NRXN1: variants seen among roughly 807,000 people sequenced by gnomAD.
The protein encoded by NRXN1 is neurexin-1.
NRXN1 carries 39 observed loss-of-function variants against 150.9 expected under a neutral mutation model. The observed-to-expected ratio is 0.26, with a 90% confidence interval of 0.20 to 0.34. The LOEUF is 0.34. NRXN1 is among the 10% of genes least tolerant of loss of function. The pLI, the probability that NRXN1 is intolerant of heterozygous loss-of-function variation, is 1.00. For synonymous variants in NRXN1, 924 were observed against 757.0 expected (o/e 1.22, Z -3.62); for missense variants, 1,815 against 1,949.9 (o/e 0.93, Z 1.30).
intron 17 of NRXN1, among the ~76,000 whole-genome samples, chr2:50,350,878 G>T (rs548943725): frequency 6.6e-6 from 1 of 152,140 alleles, no homozygotes. Context: ...AGAAGAAATT[G>T]TAGCTGTAGT....
At chr2:50,366,789 C>A (rs538661206) in intron 17 of NRXN1, among the ~76,000 whole-genome samples, 1 of 152,042 alleles carries the variant, frequency 6.6e-6, no homozygotes, top group Non-Finnish European at 1.5e-5. Flanking sequence ...AAAAATCACA[C>A]ACTAAGGATG....
intron 8 of NRXN1, among the ~76,000 whole-genome samples, chr2:50,584,942 T>C (rs1558973904): frequency 6.6e-6 from 1 of 152,176 alleles, no homozygotes; most frequent in Non-Finnish European, 1.5e-5. Flanking sequence ...GAGTGTGGCA[T>C]ATAGTCACTG....
chr2:50,265,663 G>C (rs1298449538), intron 17 of NRXN1, among the ~76,000 whole-genome samples: 1 of 152,074 alleles, frequency 6.6e-6, no homozygotes, highest in Non-Finnish European at 1.5e-5. Flanking sequence ...CAATTCTTCA[G>C]GTACCAATTT....
At chr2:50,589,918 C>T (rs1044867240) in intron 8 of NRXN1, among the ~76,000 whole-genome samples, 1 of 152,168 alleles carries the variant, frequency 6.6e-6, no homozygotes, top group African/African-American at 2.4e-5. Flanking sequence ...CACATGAAGT[C>T]AGAAACCATT....
intron 19 of NRXN1, among the ~76,000 whole-genome samples, chr2:50,064,433 CT>C (rs70946885): frequency 0.014 from 2,059 of 148,230 alleles, 49 homozygotes; most frequent in African/African-American, 0.048. Flanking sequence ...GTGGGATCTT[CT>C]TTTTTTTTTT....
At chr2:50,358,438 C>T (rs1049475468) in intron 17 of NRXN1, among the ~76,000 whole-genome samples, 2 of 152,178 alleles carry the variant, frequency 1.3e-5, no homozygotes, top group Middle Eastern at 3.2e-3. Context: ...GGTGGTTTTC[C>T]CCTCACAATG....
intron 21 of NRXN1, chr2:49,974,343 T>C (rs772200250): frequency 6.9e-5 from 30 of 437,860 alleles, no homozygotes; most frequent in Non-Finnish European, 1.2e-4. Flanking sequence ...TCAGCAGTCG[T>C]TGCTTTTCAA....
At chr2:50,663,447 G>A (rs1221730687) in intron 5 of NRXN1, among the ~76,000 whole-genome samples, 1 of 151,936 alleles carries the variant, frequency 6.6e-6, no homozygotes, top group Non-Finnish European at 1.5e-5. Context: ...CATGATCTCT[G>A]GTAACAAACT....
At chr2:50,266,546 C>T (rs868356572) in intron 17 of NRXN1, among the ~76,000 whole-genome samples, 1,458 of 103,338 alleles carry the variant, frequency 0.014, 22 homozygotes, top group African/African-American at 0.049. Flanking sequence ...TACACACACA[C>T]ACACACACAC....
chr2:50,728,405 C>A (rs1697663372), intron 5 of NRXN1, among the ~76,000 whole-genome samples: 2 of 152,114 alleles, frequency 1.3e-5, no homozygotes, highest in African/African-American at 4.8e-5. Context: ...TTGAATTGCA[C>A]ACAAAGTATT....
At chr2:50,282,739 T>A (rs1192896405) in intron 17 of NRXN1, among the ~76,000 whole-genome samples, 2 of 152,156 alleles carry the variant, frequency 1.3e-5, no homozygotes, top group Non-Finnish European at 2.9e-5. Flanking sequence ...TATGACTCAA[T>A]TCCAAAGAAA....
chr2:51,028,404 G>A lies in NRXN1; in HGVS notation c.-131C>T. 1.8e-6 allele frequency: 1 copy of A among 549,170 alleles called. No individual in the cohort carries two copies. Among genetic ancestry groups the A allele is most frequent in the Non-Finnish European group, 3.0e-6 (1 of 332,322 alleles). 34.0% of individuals were successfully genotyped at this position (549,170 alleles called of 1,614,324 possible). Reference sequence around the variant, plus strand: ...GGAAAGGCGGGAGTGAGAGGGATGTGCCCTCCTTTATCTAGTTCTTTTTTT... The same window carrying A: ...GGAAAGGCGGGAGTGAGAGGGATGTACCCTCCTTTATCTAGTTCTTTTTTT... On this transcript the variant is annotated 5_prime_UTR_variant, in exon 2 of 23. Coordinates refer to ENST00000401669, the MANE Select transcript of NRXN1 (RefSeq NM_001330078.2).
At chr2:50,984,718 C>A (rs1234123764) in intron 2 of NRXN1, among the ~76,000 whole-genome samples, 1 of 152,000 alleles carries the variant, frequency 6.6e-6, no homozygotes. Context: ...TGGATAAGGG[C>A]ACCAGAGTTG....
chr2:49,940,293 A>ATGTT (rs1326884307), intron 22 of NRXN1, among the ~76,000 whole-genome samples: 1 of 152,218 alleles, frequency 6.6e-6, no homozygotes, highest in African/African-American at 2.4e-5. Context: ...TTACCTCAAT[A>ATGTT]TGTTAGTTTT....
chr2:50,848,973 C>T (rs1468941194), intron 5 of NRXN1, among the ~76,000 whole-genome samples: 1 of 152,184 alleles, frequency 6.6e-6, no homozygotes, highest in African/African-American at 2.4e-5. Flanking sequence ...ACATACAGCG[C>T]CTTCTCTGTC....
intron 18 of NRXN1, among the ~76,000 whole-genome samples, chr2:50,192,886 G>A (rs1221575858): frequency 6.6e-6 from 1 of 152,086 alleles, no homozygotes; most frequent in Non-Finnish European, 1.5e-5. Context: ...AGAGGTGCTG[G>A]GATTACAGGC....
chr2:50,956,259 T>A (rs541195868), intron 2 of NRXN1, among the ~76,000 whole-genome samples: 2 of 152,278 alleles, frequency 1.3e-5, no homozygotes, highest in South Asian at 4.1e-4. Context: ...CTGTGCCTAT[T>A]TTATAAATGA....
intron 5 of NRXN1, among the ~76,000 whole-genome samples, chr2:50,754,137 G>A (rs900628836): frequency 1.3e-5 from 2 of 151,758 alleles, no homozygotes; most frequent in Non-Finnish European, 1.5e-5. Flanking sequence ...TTATAAAAAT[G>A]AAAGCAGCCT....
intron 17 of NRXN1, among the ~76,000 whole-genome samples, chr2:50,366,218 G>C (rs1308352675): frequency 1.4e-5 from 2 of 147,792 alleles, no homozygotes; most frequent in Non-Finnish European, 1.5e-5. Flanking sequence ...AACGTATGTT[G>C]AGATTTCCCA....
Sources: allele counts gnomAD v4.1 joint callset (sites outside exome capture counted in the v4.1 genomes callset), GRCh38; gene constraint gnomAD v4.1.1; transcripts MANE v1.5; gene names NCBI Gene and HGNC (gene_info 2026-07-23, HGNC 2026-07-21).